RGS6: variants seen among roughly 807,000 people sequenced by gnomAD.
RGS6 encodes regulator of G-protein signaling 6.
A neutral mutation model predicts 78.5 loss-of-function variants in RGS6; 30 were observed. The ratio of observed to expected loss-of-function variants is 0.38; its 90% CI spans 0.29 to 0.52. RGS6 has a LOEUF of 0.52. Among genes scored for constraint, RGS6 ranks in the 20% least tolerant of loss-of-function variants. The pLI is 0.85. For missense variants in RGS6, 495 were observed against 609.7 expected (o/e 0.81, Z 1.98); for synonymous variants, 206 against 206.0 (o/e 1.00, Z 0.00).
At chr14:72,446,327 G>A (rs1185706472) in intron 3 of RGS6, among the ~76,000 whole-genome samples, 1 of 152,174 alleles carries the variant, frequency 6.6e-6, no homozygotes, top group Non-Finnish European at 1.5e-5. Flanking sequence ...AACTAATATA[G>A]AAGAGGAAAC....
At chr14:72,410,288 T>C (rs1232767369) in intron 3 of RGS6, among the ~76,000 whole-genome samples, 1 of 152,224 alleles carries the variant, frequency 6.6e-6, no homozygotes, top group Non-Finnish European at 1.5e-5. Context: ...TATCTCATTG[T>C]GGTTTTGATT....
In RGS6 at chr14:72,341,099, G is replaced by A. The variant is rs866764069; in HGVS notation, c.85-10996G>A. ...CACACTACTATAAAGACATAGCTGG[G>A]AATGTGTTATTTATAAAGAAAAGAG... is the stretch of plus-strand genomic sequence containing the variant. On this transcript the variant is annotated intron_variant, in intron 2 of 17. Transcript: ENST00000553525. Among the ~76,000 whole-genome samples, 16 of 152,320 alleles carry A rather than the reference G, an allele frequency of 1.1e-4. 1 individual carries two copies. In the Middle Eastern group the frequency reaches 0.014, roughly 130 times the overall value.
chr14:72,455,196 C>T (rs2095600134), intron 4 of RGS6, among the ~76,000 whole-genome samples: 1 of 152,060 alleles, frequency 6.6e-6, no homozygotes, highest in Non-Finnish European at 1.5e-5. Flanking sequence ...ATAAGTAAAG[C>T]TTATTCCCAT....
chr14:72,305,048 A>G (rs2066934220), intron 2 of RGS6, among the ~76,000 whole-genome samples: 1 of 152,194 alleles, frequency 6.6e-6, no homozygotes. Context: ...AAAAATGTCA[A>G]GTCCTTGTGG....
chr14:72,193,768 T>A (rs7161011), intron 2 of RGS6, among the ~76,000 whole-genome samples: 29,737 of 152,056 alleles, frequency 0.2, 3,081 homozygotes, highest in African/African-American at 0.26. Context: ...GGAGAAAAGT[T>A]TATCAGGCAA....
rs146235550 is a variant in RGS6 at position 71,999,139 on chromosome 14, C to T, written c.84+34264C>T. ...GGGCCTAAAGGCCACAGTTTATTGA[C>T]CTCTGAGGTAAGCAAATCAATTCTC... On this transcript the variant is annotated intron_variant, in intron 2 of 17. Transcript: ENST00000553525. Among the ~76,000 whole-genome samples the T allele has an allele frequency of 1.4e-3, 218 of 152,298 alleles. 1 individual carries two copies. The highest frequency in any genetic ancestry group is 5.1e-3 in the African/African-American group (212 of 41,562).
chr14:72,576,379 T>C, the RGS6 span, among the ~76,000 whole-genome samples: 13 of 152,288 alleles, frequency 8.5e-5, no homozygotes, highest in East Asian at 2.5e-3. Flanking sequence ...ATCCTATCTG[T>C]AGTAGAAATA....
rs370405558 is a variant in RGS6 at position 72,332,754 on chromosome 14, TG to T, written c.85-19340del. ...CTCCTACCAAGGAGAGGGTGGGGGCTGTGGCAAGAGATGGAGGCATCTGGGG... is the reference window on the plus strand; with the variant it reads ...CTCCTACCAAGGAGAGGGTGGGGGCTTGGCAAGAGATGGAGGCATCTGGGG... On this transcript the variant is annotated intron_variant, in intron 2 of 17. Transcript: ENST00000553525. 3.3e-5 allele frequency among the ~76,000 whole-genome samples: 5 copies of T among 152,280 alleles called. No homozygotes were observed. In the East Asian group the frequency reaches 9.6e-4, roughly 29 times the overall value.
chr14:72,182,726 A>G (rs565221609), intron 2 of RGS6, among the ~76,000 whole-genome samples: 2 of 152,318 alleles, frequency 1.3e-5, no homozygotes, highest in African/African-American at 2.4e-5. Flanking sequence ...ACTATTTTAG[A>G]TGAGCTCAGC....
chr14:72,132,796 T>TTC (rs2096355206), intron 2 of RGS6, among the ~76,000 whole-genome samples: 1 of 151,700 alleles, frequency 6.6e-6, no homozygotes, highest in African/African-American at 2.4e-5. Context: ...TTTTTTTTTT[T>TTC]CTCTGTCAGA....
intron 6 of RGS6, among the ~76,000 whole-genome samples, chr14:72,462,420 C>G (rs2238181): frequency 0.11 from 16,381 of 152,094 alleles, 1,097 homozygotes; most frequent in South Asian, 0.17. Flanking sequence ...CACACTTTCC[C>G]AAGTTTTTTC....
chr14:72,157,625 G>C (rs747357548), intron 2 of RGS6, among the ~76,000 whole-genome samples: 1 of 152,124 alleles, frequency 6.6e-6, no homozygotes, highest in Non-Finnish European at 1.5e-5. Context: ...GAAGAAATTC[G>C]AACATTTTCC....
chr14:72,541,063 C>T (rs762090182), intron 17 of RGS6: 8 of 1,346,382 alleles, frequency 5.9e-6, no homozygotes, highest in South Asian at 2.3e-5. Context: ...CGCTCAATCA[C>T]GGGGCCCATC....
At chr14:72,448,454 T>C (rs1483938567) in intron 3 of RGS6, among the ~76,000 whole-genome samples, 6 of 152,132 alleles carry the variant, frequency 3.9e-5, no homozygotes, top group Admixed American at 6.6e-5. Flanking sequence ...CATTTCCTCT[T>C]AGTTAAGCTT....
chr14:71,871,263 A>T, the RGS6 span, among the ~76,000 whole-genome samples: 6 of 152,172 alleles, frequency 3.9e-5, no homozygotes, highest in Non-Finnish European at 7.3e-5. Flanking sequence ...AAAGGAATAG[A>T]GGGGACATCC....
At chr14:72,583,669 C>A in the RGS6 span, among the ~76,000 whole-genome samples, 1 of 152,190 alleles carries the variant, frequency 6.6e-6, no homozygotes, top group Admixed American at 6.5e-5. Flanking sequence ...CAGCCTTCTT[C>A]TTGGGCCAGC....
At chr14:72,605,069 G>A in the RGS6 span, among the ~76,000 whole-genome samples, 3 of 152,354 alleles carry the variant, frequency 2.0e-5, no homozygotes, top group Admixed American at 6.5e-5. Context: ...TGGCACTGTA[G>A]AGGGCAGGTT....
At chr14:71,876,438 A>G in the RGS6 span, among the ~76,000 whole-genome samples, 10 of 125,972 alleles carry the variant, frequency 7.9e-5, no homozygotes, top group Non-Finnish European at 1.5e-4. Context: ...TTGGTTTAAA[A>G]TCTGTTTTAT....
chr14:72,255,135 C>G (rs947733343), intron 2 of RGS6, among the ~76,000 whole-genome samples: 1 of 152,074 alleles, frequency 6.6e-6, no homozygotes, highest in Admixed American at 6.6e-5. Context: ...TTATTGTCGT[C>G]TCCAGGGAAA....
Sources: allele counts gnomAD v4.1 joint callset (sites outside exome capture counted in the v4.1 genomes callset), GRCh38; gene constraint gnomAD v4.1.1; transcripts MANE v1.5; gene names NCBI Gene and HGNC (gene_info 2026-07-23, HGNC 2026-07-21).